PRKN: variants seen among roughly 807,000 people sequenced by gnomAD.
PRKN encodes the protein E3 ubiquitin-protein ligase parkin.
Under a neutral mutation model 59.5 loss-of-function variants are expected in PRKN, and 56 were observed. The observed-to-expected ratio is 0.94, with a 90% CI of 0.76 to 1.18. The LOEUF is 1.18. Ranked by LOEUF, PRKN falls within the 50% of genes most tolerant of loss-of-function variation. The pLI is 0.00. For missense variants in PRKN, 657 were observed against 596.4 expected, an observed-to-expected ratio of 1.10 and a Z score of -1.06; for synonymous variants, 250 against 222.1, an observed-to-expected ratio of 1.13 and a Z score of -1.12.
At chr6:161,917,168 C>T (rs765865728) in intron 6 of PRKN, among the ~76,000 whole-genome samples, 10 of 151,884 alleles carry the variant, frequency 6.6e-5, no homozygotes, top group Non-Finnish European at 1.3e-4. Flanking sequence ...TGCAATGACA[C>T]GATCTCGGCT....
intron 7 of PRKN, among the ~76,000 whole-genome samples, chr6:161,611,045 C>T (rs1270427994): frequency 2.0e-5 from 3 of 152,174 alleles, no homozygotes. Context: ...AGCTTGAAGC[C>T]TTGTTCTCAC....
chr6:162,210,885 C>A (rs1004063861), intron 3 of PRKN, among the ~76,000 whole-genome samples: 9 of 152,014 alleles, frequency 5.9e-5, no homozygotes, highest in Non-Finnish European at 1.3e-4. Context: ...TGGAATGGTA[C>A]TAAAGGGGAT....
chr6:161,919,496 A>T (rs576553119), intron 6 of PRKN, among the ~76,000 whole-genome samples: 2 of 152,318 alleles, frequency 1.3e-5, no homozygotes, highest in East Asian at 3.9e-4. Flanking sequence ...GATTTGCATG[A>T]TGTGTAAATT....
intron 2 of PRKN, among the ~76,000 whole-genome samples, chr6:162,373,156 G>A (rs1785863241): frequency 6.6e-6 from 1 of 152,128 alleles, no homozygotes; most frequent in African/African-American, 2.4e-5. Flanking sequence ...AAAAAATAAT[G>A]GTTTAAATGG....
chr6:161,671,484 G>T (rs1297286502), intron 7 of PRKN, among the ~76,000 whole-genome samples: 3 of 152,138 alleles, frequency 2.0e-5, no homozygotes, highest in Non-Finnish European at 4.4e-5. Flanking sequence ...ACATTTTAAT[G>T]CTCCATATAT....
chr6:161,924,818 C>T (rs575240969), intron 6 of PRKN, among the ~76,000 whole-genome samples: 1 of 152,314 alleles, frequency 6.6e-6, no homozygotes, highest in South Asian at 2.1e-4. Flanking sequence ...ATTCGATTTG[C>T]TTTTCAAACA....
At position 161,354,390 on chromosome 6, in the gene PRKN, C is replaced by T. The variant is rs1255131053; in HGVS notation, c.1286-4179G>A. ...AAACCATGAAAAGCTCAGCCTACGC[C>T]GGGCAGTCGACATCGTGGCTCCGGC... is the stretch of plus-strand genomic sequence containing the variant. On this transcript the variant is annotated intron_variant, in intron 11 of 11. Transcript: ENST00000366898. This position sits in a 1 kb window ranked among gnomAD's most constrained non-coding sequence, Gnocchi z 6.7. 2.6e-5 allele frequency among the ~76,000 whole-genome samples: 4 copies of T among 152,260 alleles called. No individual in the cohort carries two copies. In the East Asian group the frequency reaches 7.7e-4, roughly 29 times the overall value.
At chr6:162,638,577 C>T (rs1484168934) in intron 1 of PRKN, among the ~76,000 whole-genome samples, 1 of 152,044 alleles carries the variant, frequency 6.6e-6, no homozygotes, top group Non-Finnish European at 1.5e-5. Context: ...TTCAGTTTTC[C>T]TCTGGCCAAG....
chr6:162,274,722 A>T (rs932258902), intron 2 of PRKN, among the ~76,000 whole-genome samples: 2 of 152,124 alleles, frequency 1.3e-5, no homozygotes, highest in Admixed American at 1.3e-4. Flanking sequence ...TCATAATCTA[A>T]ATTTTGCCAG....
intron 2 of PRKN, among the ~76,000 whole-genome samples, chr6:162,290,743 C>T (rs1036090328): frequency 1.3e-5 from 2 of 152,144 alleles, no homozygotes; most frequent in African/African-American, 4.8e-5. Context: ...CTGCCTTGAA[C>T]TTTTCCAGTT....
intron 4 of PRKN, among the ~76,000 whole-genome samples, chr6:162,138,156 T>C (rs1353521790): frequency 6.6e-6 from 1 of 152,178 alleles, no homozygotes; most frequent in African/African-American, 2.4e-5. Flanking sequence ...GCGGATAGAC[T>C]ACCTTGAATC....
At chr6:162,489,649 G>C (rs1307676318) in intron 1 of PRKN, among the ~76,000 whole-genome samples, 1 of 152,080 alleles carries the variant, frequency 6.6e-6, no homozygotes, top group Non-Finnish European at 1.5e-5. Flanking sequence ...AGTATGTTGG[G>C]GGCAGCAATG....
chr6:161,816,394 C>T (rs1791782015), intron 6 of PRKN, among the ~76,000 whole-genome samples: 1 of 151,958 alleles, frequency 6.6e-6, no homozygotes, highest in African/African-American at 2.4e-5. Flanking sequence ...TCCAAAGAAA[C>T]CTGAGGCAAT....
chr6:162,635,377 G>T (rs1777670545), intron 1 of PRKN, among the ~76,000 whole-genome samples: 1 of 152,148 alleles, frequency 6.6e-6, no homozygotes, highest in Admixed American at 6.5e-5. Flanking sequence ...TCAGTGCAAT[G>T]AAATGTTTGG....
intron 6 of PRKN, among the ~76,000 whole-genome samples, chr6:161,920,810 C>G (rs890560140): frequency 6.6e-6 from 1 of 151,812 alleles, no homozygotes; most frequent in Non-Finnish European, 1.5e-5. Flanking sequence ...AGAAACGTAC[C>G]CCTGAATAGG....
At position 161,409,932 on chromosome 6, in the gene PRKN, T is replaced by A. The variant is rs997904208; in HGVS notation, c.1084-23055A>T. On this transcript the variant is annotated intron_variant, in intron 9 of 11. Transcript: ENST00000366898. The surrounding 1 kb of genome is among the most constrained non-coding windows in gnomAD (Gnocchi z 4.6). ...CTTGCTTTTCAGGTGAGAAGCAGAA[T>A]TGGAAAATATTTCAGGGAGTATTTG... Among the ~76,000 whole-genome samples, 1 of 152,168 alleles carries A rather than the reference T, an allele frequency of 6.6e-6. No individual in the cohort carries two copies. The highest frequency in any genetic ancestry group is 1.5e-5 in the Non-Finnish European group (1 of 68,032).
At chr6:162,174,930 C>CTA (rs1421531418) in intron 4 of PRKN, among the ~76,000 whole-genome samples, 1 of 152,198 alleles carries the variant, frequency 6.6e-6, no homozygotes, top group Admixed American at 6.5e-5. Flanking sequence ...CCATATTGTG[C>CTA]TACAGCTGGA....
At position 162,162,995 on chromosome 6, in the gene PRKN, G is replaced by A. The variant is rs191746107; in HGVS notation, c.534+38136C>T. Among the ~76,000 whole-genome samples the A allele has an allele frequency of 4.7e-3, 692 of 148,584 alleles. 82 individuals are homozygous for A. The highest frequency in any genetic ancestry group is 0.017 in the African/African-American group (663 of 39,212). ...TGTACTCCAGCCTGGGCGACAGAGC[G>A]AGATTCTGTCTCAAAAAAATAAATA... On this transcript the variant is annotated intron_variant, in intron 4 of 11. Coordinates refer to ENST00000366898, the MANE Select transcript of PRKN (RefSeq NM_004562.3).
intron 6 of PRKN, among the ~76,000 whole-genome samples, chr6:161,810,991 G>A (rs2128213458): frequency 6.6e-6 from 1 of 152,152 alleles, no homozygotes; most frequent in South Asian, 2.1e-4. Context: ...CCAAGCAGAG[G>A]GAAGACTATC....
Sources: gnomAD v4.1 joint callset for allele counts (sites outside exome capture counted in the v4.1 genomes callset) on GRCh38, gnomAD v4.1.1 for gene constraint, Gnocchi (gnomAD v3.1) non-coding constraint, MANE v1.5 for transcripts, NCBI Gene and HGNC (gene_info 2026-07-23, HGNC 2026-07-21) for gene names.